Variants in GRM8 observed in about 807,000 individuals in gnomAD.
GRM8 encodes metabotropic glutamate receptor 8.
Under a neutral mutation model 87.2 loss-of-function variants are expected in GRM8, and 47 were observed. The ratio of observed to expected loss-of-function variants is 0.54; its 90% confidence interval spans 0.43 to 0.69. GRM8 has a LOEUF of 0.69. Among genes scored for constraint, GRM8 ranks in the 30% least tolerant of loss-of-function variants. GRM8 has a pLI of 0.00. For missense variants in GRM8, 1,019 were observed against 1,139.2 expected (o/e 0.89, Z 1.52); for synonymous variants, 396 against 404.5 (o/e 0.98, Z 0.25).
rs115393250 is a variant in GRM8, at chr7:126,949,557, C to A, written c.728-44874G>T. On this transcript the variant is annotated intron_variant, in intron 3 of 10. Coordinates refer to ENST00000339582, the MANE Select transcript of GRM8 (RefSeq NM_000845.3). ...AAAGCAGTATGCCTATCTCTGTCCTCGAATATCTCCATGGTTTTGTGAGTT... is the reference window on the plus strand; with the variant it reads ...AAAGCAGTATGCCTATCTCTGTCCTAGAATATCTCCATGGTTTTGTGAGTT... 4.8e-3 allele frequency among the ~76,000 whole-genome samples: 731 copies of A among 152,246 alleles called. 8 individuals are homozygous for A. Among genetic ancestry groups the A allele is most frequent in the African/African-American group, 0.017 (704 of 41,536 alleles).
chr7:126,782,706 G>T (rs1563183162), intron 6 of GRM8, among the ~76,000 whole-genome samples: 1 of 152,114 alleles, frequency 6.6e-6, no homozygotes, highest in African/African-American at 2.4e-5. Flanking sequence ...AGGCCCATAA[G>T]TGCCTGAAGT....
At chr7:126,877,668 A>G (rs2130956244) in intron 6 of GRM8, among the ~76,000 whole-genome samples, 1 of 152,300 alleles carries the variant, frequency 6.6e-6, no homozygotes, top group Admixed American at 6.5e-5. Context: ...TTCAAGATTT[A>G]TTCTTAATAT....
In GRM8 at chr7:126,692,583, G is replaced by T. The variant is rs577097415; in HGVS notation, c.1357+77282C>A. 7.2e-5 allele frequency among the ~76,000 whole-genome samples: 11 copies of T among 152,286 alleles called. No individual in the cohort carries two copies. In the East Asian group the frequency reaches 9.6e-4, roughly 13 times the overall value. ...ATCCTGGGAAGATTGAATTCTTGCA[G>T]CAGCACATAATGGAAAAATACTACA... On this transcript the variant is annotated intron_variant, in intron 7 of 10. Coordinates refer to ENST00000339582, the MANE Select transcript of GRM8 (RefSeq NM_000845.3).
At chr7:126,735,937 C>A (rs1460727520) in intron 7 of GRM8, among the ~76,000 whole-genome samples, 1 of 152,056 alleles carries the variant, frequency 6.6e-6, no homozygotes, top group African/African-American at 2.4e-5. Flanking sequence ...GAGAATGAAG[C>A]CTTGCTAATG....
intron 7 of GRM8, among the ~76,000 whole-genome samples, chr7:126,622,038 A>G (rs566554721): frequency 6.6e-6 from 1 of 152,254 alleles, no homozygotes; most frequent in South Asian, 2.1e-4. Flanking sequence ...TATCAAAATC[A>G]CAGTCATTGT....
At chr7:127,202,634 C>T (rs1795678536) in intron 2 of GRM8, among the ~76,000 whole-genome samples, 1 of 152,134 alleles carries the variant, frequency 6.6e-6, no homozygotes, top group Non-Finnish European at 1.5e-5. Flanking sequence ...TACTGATCCT[C>T]ATTTTACTGG....
chr7:127,059,582 C>T (rs17864115), intron 3 of GRM8, among the ~76,000 whole-genome samples: 5 of 152,208 alleles, frequency 3.3e-5, no homozygotes, highest in South Asian at 2.1e-4. Context: ...TGATTGCACC[C>T]GCCTTGGCCT....
At chr7:126,491,267 T>C (rs1221651942) in intron 9 of GRM8, among the ~76,000 whole-genome samples, 7 of 152,072 alleles carry the variant, frequency 4.6e-5, no homozygotes, top group Non-Finnish European at 1.0e-4. Flanking sequence ...CCATAGACCC[T>C]AGACAATTTT....
intron 7 of GRM8, among the ~76,000 whole-genome samples, chr7:126,752,028 C>T (rs1816478146): frequency 6.6e-6 from 1 of 151,590 alleles, no homozygotes; most frequent in East Asian, 1.9e-4. Flanking sequence ...AACCTCAAAT[C>T]TAACCCATCC....
chr7:126,462,885 AAGAC>A (rs1471592586), intron 9 of GRM8, among the ~76,000 whole-genome samples: 55 of 151,550 alleles, frequency 3.6e-4, no homozygotes, highest in African/African-American at 1.3e-3. Context: ...TCAGGAGAAA[AAGAC>A]AGACATTTGT....
chr7:126,670,026 A>G (rs537579776), intron 7 of GRM8, among the ~76,000 whole-genome samples: 35 of 152,356 alleles, frequency 2.3e-4, no homozygotes, highest in African/African-American at 7.9e-4. Context: ...AAATATAAGA[A>G]CAACAAGGTA....
chr7:127,175,488 T>C (rs528978713), intron 2 of GRM8, among the ~76,000 whole-genome samples: 27 of 152,200 alleles, frequency 1.8e-4, no homozygotes, highest in African/African-American at 6.5e-4. Context: ...CACAGATCCA[T>C]GAGGTTCAGA....
intron 7 of GRM8, among the ~76,000 whole-genome samples, chr7:126,735,489 T>C (rs1041289557): frequency 6.6e-6 from 1 of 152,080 alleles, no homozygotes. Flanking sequence ...GTTACTATTA[T>C]GTATATGACT....
chr7:127,015,184 GAA>G (rs1815467190), intron 3 of GRM8, among the ~76,000 whole-genome samples: 2 of 45,218 alleles, frequency 4.4e-5, no homozygotes. Context: ...AGGAGAAGAA[GAA>G]GAAGAAGAAG....
intron 7 of GRM8, among the ~76,000 whole-genome samples, chr7:126,753,053 G>A (rs924206777): frequency 6.6e-6 from 1 of 152,022 alleles, no homozygotes; most frequent in Admixed American, 6.6e-5. Flanking sequence ...CTTGAGGAAT[G>A]GATGCAGATT....
intron 7 of GRM8, among the ~76,000 whole-genome samples, chr7:126,654,200 A>G (rs1420935174): frequency 1.3e-5 from 2 of 152,104 alleles, no homozygotes; most frequent in African/African-American, 4.8e-5. Flanking sequence ...TTTCAGACCA[A>G]CTCATGGTCT....
intron 2 of GRM8, among the ~76,000 whole-genome samples, chr7:127,139,820 A>T (rs1296905238): frequency 6.6e-6 from 1 of 152,176 alleles, no homozygotes; most frequent in African/African-American, 2.4e-5. Context: ...AGAGTGAAAA[A>T]GAGTAGCTGG....
chr7:126,601,943 C>A (rs1268334549), intron 8 of GRM8, among the ~76,000 whole-genome samples: 1,768 of 133,114 alleles, frequency 0.013, 48 homozygotes, highest in African/African-American at 0.044. Flanking sequence ...TTAATTAGAT[C>A]CCATTTGTCA....
chr7:126,822,426 C>A (rs760024223), intron 6 of GRM8, among the ~76,000 whole-genome samples: 1 of 152,090 alleles, frequency 6.6e-6, no homozygotes, highest in Non-Finnish European at 1.5e-5. Flanking sequence ...TGAGTGCTTA[C>A]CTGCACTCAG....
Sources: gnomAD v4.1 joint callset for allele counts (sites outside exome capture counted in the v4.1 genomes callset) on GRCh38, gnomAD v4.1.1 for gene constraint, MANE v1.5 for transcripts, NCBI Gene and HGNC (gene_info 2026-07-23, HGNC 2026-07-21) for gene names.